The following CWC27 variants were observed in gnomAD, a reference collection of about 807,000 sequenced individuals.
The protein encoded by CWC27 is CWC27 spliceosome associated cyclophilin.
In CWC27, 47 loss-of-function variants were observed where a neutral mutation model predicts 63.6. That is an observed-to-expected ratio of 0.74 (90% CI 0.58 to 0.94). CWC27 has a LOEUF of 0.94. Ranked by LOEUF, CWC27 falls within the 40% of genes least tolerant of loss-of-function variation. CWC27 has a pLI of 0.00. For missense variants in CWC27, 495 were observed against 554.3 expected (o/e 0.89, Z 1.07); for synonymous variants, 175 against 179.8 (o/e 0.97, Z 0.22).
chr5:64,882,585 A>AGTTGTTGTT (rs529962877), intron 10 of CWC27, among the ~76,000 whole-genome samples: 1 of 151,712 alleles, frequency 6.6e-6, no homozygotes, highest in Admixed American at 6.6e-5. Flanking sequence ...GTTTCCTTTT[A>AGTTGTTGTT]GTTGTTGTTG....
chr5:64,817,731 TC>T (rs1745082805), intron 10 of CWC27, among the ~76,000 whole-genome samples: 1 of 152,168 alleles, frequency 6.6e-6, no homozygotes, highest in South Asian at 2.1e-4. Flanking sequence ...TGATCTCTCC[TC>T]CCTCCTTACT....
At chr5:64,913,276 G>A (rs1171966071) in intron 11 of CWC27, among the ~76,000 whole-genome samples, 1 of 151,986 alleles carries the variant, frequency 6.6e-6, no homozygotes, top group East Asian at 1.9e-4. Context: ...CCTACAGCAA[G>A]TATTATACTT....
intron 10 of CWC27, among the ~76,000 whole-genome samples, chr5:64,885,104 T>G (rs934481659): frequency 1.3e-5 from 2 of 152,134 alleles, no homozygotes; most frequent in Non-Finnish European, 2.9e-5. Context: ...AATATTTATA[T>G]TAAAAATTTT....
At chr5:64,982,483 C>A (rs530510731) in intron 13 of CWC27, among the ~76,000 whole-genome samples, 2 of 151,668 alleles carry the variant, frequency 1.3e-5, no homozygotes, top group Non-Finnish European at 2.9e-5. Flanking sequence ...CCACCATACT[C>A]GGCTAATTTT....
At chr5:64,965,055 C>CTCCAA (rs1471389775) in intron 11 of CWC27, among the ~76,000 whole-genome samples, 2 of 152,172 alleles carry the variant, frequency 1.3e-5, no homozygotes, top group African/African-American at 4.8e-5. Context: ...CGCCATTGCA[C>CTCCAA]TCCAGCCTGG....
At chr5:64,850,349 C>T (rs1746106020) in intron 10 of CWC27, among the ~76,000 whole-genome samples, 1 of 151,994 alleles carries the variant, frequency 6.6e-6, no homozygotes, top group African/African-American at 2.4e-5. Flanking sequence ...AGGATAGTCT[C>T]ATCAATAAGT....
intron 11 of CWC27, among the ~76,000 whole-genome samples, chr5:64,925,349 CA>C (rs1748085064): frequency 6.6e-6 from 1 of 152,186 alleles, no homozygotes; most frequent in African/African-American, 2.4e-5. Context: ...TCCACATACC[CA>C]GCCTTATTTG....
intron 10 of CWC27, among the ~76,000 whole-genome samples, chr5:64,862,118 A>G (rs557794348): frequency 6.6e-6 from 1 of 152,336 alleles, no homozygotes; most frequent in East Asian, 1.9e-4. Context: ...TTTAAGTCAC[A>G]AATGAATATA....
chr5:64,986,106 G>A (rs1293541415), intron 13 of CWC27, among the ~76,000 whole-genome samples: 1 of 152,156 alleles, frequency 6.6e-6, no homozygotes, highest in East Asian at 1.9e-4. Context: ...CCACAATAAA[G>A]AAGGACGTGT....
chr5:64,922,035 GA>G (rs1233114336), intron 11 of CWC27, among the ~76,000 whole-genome samples: 1 of 152,182 alleles, frequency 6.6e-6, no homozygotes, highest in East Asian at 1.9e-4. Context: ...TTAGCCTGAT[GA>G]GGTTTCCTTT....
intron 10 of CWC27, among the ~76,000 whole-genome samples, chr5:64,821,334 C>T (rs752389254): frequency 2.0e-5 from 3 of 151,862 alleles, no homozygotes; most frequent in South Asian, 2.1e-4. Context: ...CCACCATGCC[C>T]GGCCAACAAA....
chr5:64,798,774 T>C (rs1744369670), intron 7 of CWC27, among the ~76,000 whole-genome samples: 1 of 152,216 alleles, frequency 6.6e-6, no homozygotes, highest in South Asian at 2.1e-4. Context: ...TCTGTTTAAA[T>C]GTCATTTAAA....
At chr5:64,773,005 A>G (rs1361795552) in intron 1 of CWC27, among the ~76,000 whole-genome samples, 1 of 152,032 alleles carries the variant, frequency 6.6e-6, no homozygotes, top group South Asian at 2.1e-4. Context: ...AAATAGATTT[A>G]TAGACCATAG....
chr5:64,997,077 C>G (rs1749647483), intron 13 of CWC27, among the ~76,000 whole-genome samples: 1 of 152,196 alleles, frequency 6.6e-6, no homozygotes, highest in Middle Eastern at 3.4e-3. Context: ...ATTATATCCT[C>G]TGTATTATTT....
At chr5:64,880,685 T>C (rs1160689936) in intron 10 of CWC27, among the ~76,000 whole-genome samples, 1 of 151,848 alleles carries the variant, frequency 6.6e-6, no homozygotes, top group East Asian at 1.9e-4. Context: ...AATTCTTTTT[T>C]CCATTAGGGA....
At chr5:64,793,150 C>A (rs1162968011) in intron 7 of CWC27, among the ~76,000 whole-genome samples, 1 of 152,012 alleles carries the variant, frequency 6.6e-6, no homozygotes, top group African/African-American at 2.4e-5. Context: ...GGTAGGAAGC[C>A]ACAATCTTGA....
At chr5:64,833,582 A>T (rs1745584985) in intron 10 of CWC27, among the ~76,000 whole-genome samples, 1 of 151,766 alleles carries the variant, frequency 6.6e-6, no homozygotes, top group Non-Finnish European at 1.5e-5. Context: ...TTAAACAACC[A>T]CTTGTATTGT....
intron 13 of CWC27, among the ~76,000 whole-genome samples, chr5:65,012,605 C>G (rs1206354976): frequency 6.6e-6 from 1 of 152,188 alleles, no homozygotes; most frequent in African/African-American, 2.4e-5. Context: ...TAAAAGCCCC[C>G]AGATGTTTTT....
At chr5:64,980,034 G>A (rs559736120) in intron 13 of CWC27, among the ~76,000 whole-genome samples, 19 of 151,454 alleles carry the variant, frequency 1.3e-4, no homozygotes, top group Admixed American at 2.0e-4. Context: ...TAAACAGTGC[G>A]TATGGTGTTT....
Sources: gnomAD v4.1 joint callset for allele counts (sites outside exome capture counted in the v4.1 genomes callset) on GRCh38, gnomAD v4.1.1 for gene constraint, MANE v1.5 for transcripts, NCBI Gene and HGNC (gene_info 2026-07-23, HGNC 2026-07-21) for gene names.